The following ATP9A variants were observed in gnomAD, a reference collection of about 807,000 sequenced individuals.
ATP9A encodes the protein probable phospholipid-transporting ATPase IIA.
ATP9A carries 52 observed loss-of-function variants against 144.1 expected under a neutral mutation model. That is an observed-to-expected ratio of 0.36 (90% CI 0.29 to 0.45). The LOEUF is 0.45. ATP9A is among the 20% of genes least tolerant of loss of function. The probability of loss-of-function intolerance (pLI) is 1.00; values close to 1 mark genes in which losing one functional copy is unlikely to be tolerated. For synonymous variants in ATP9A, 582 were observed against 557.4 expected, an observed-to-expected ratio of 1.04 and a Z score of -0.62; for missense variants, 947 against 1,392.7, an observed-to-expected ratio of 0.68 and a Z score of 5.09.
intron 14 of ATP9A, among the ~76,000 whole-genome samples, chr20:51,655,793 G>A (rs964013433): frequency 6.7e-6 from 1 of 149,712 alleles, no homozygotes; most frequent in African/African-American, 2.5e-5. Context: ...ATATACCCAA[G>A]AGAAACAGAA....
In ATP9A at chr20:51,637,722, G is replaced by A; in HGVS notation, c.1668+1621C>T. On this transcript the variant is annotated intron_variant, in intron 15 of 27. Coordinates refer to ENST00000338821, the MANE Select transcript of ATP9A (RefSeq NM_006045.3). Reference sequence around the variant, plus strand: ...CTGTTTTTTTTTTTTTATTTCCAAAGGTTTTTGGGGAACACATGGTGTTTG... The same window carrying A: ...CTGTTTTTTTTTTTTTATTTCCAAAAGTTTTTGGGGAACACATGGTGTTTG... Among the ~76,000 whole-genome samples, 2 of 150,412 alleles carry A rather than the reference G, an allele frequency of 1.3e-5. 1 individual carries two copies. The highest frequency in any genetic ancestry group is 3.0e-5 in the Non-Finnish European group (2 of 67,674).
intron 13 of ATP9A, among the ~76,000 whole-genome samples, chr20:51,668,354 A>T (rs1485222475): frequency 1.3e-5 from 2 of 151,738 alleles, no homozygotes; most frequent in East Asian, 3.9e-4. Context: ...GAAAGTCAGG[A>T]GGGGTCCCAG....
chr20:51,641,340 CAG>C (rs1202845170), intron 14 of ATP9A, among the ~76,000 whole-genome samples: 3 of 151,880 alleles, frequency 2.0e-5, no homozygotes, highest in Non-Finnish European at 1.5e-5. Flanking sequence ...GCCTGGACAA[CAG>C]AGCGAGACTG....
chr20:51,638,121 A>ATCTCTATCTC (rs1173540252), intron 15 of ATP9A, among the ~76,000 whole-genome samples: 1 of 103,002 alleles, frequency 9.7e-6, no homozygotes, highest in African/African-American at 4.1e-5. Flanking sequence ...ATATATATAT[A>ATCTCTATCTC]TATCTCATAG....
At chr20:51,637,356 T>C (rs1159289840) in intron 15 of ATP9A, among the ~76,000 whole-genome samples, 1 of 140,732 alleles carries the variant, frequency 7.1e-6, no homozygotes, top group African/African-American at 2.6e-5. Flanking sequence ...TGTTGAATCC[T>C]GCTCACTTCG....
At chr20:51,627,453 G>A in intron 17 of ATP9A, 147 bp downstream of exon 17, 1 of 724,572 alleles carries the variant, frequency 1.4e-6, no homozygotes, top group Non-Finnish European at 2.4e-6. Context: ...AGACAGAACG[G>A]CAAGTGCAAA....
intron 14 of ATP9A, among the ~76,000 whole-genome samples, chr20:51,650,566 A>C (rs1393659062): frequency 6.6e-6 from 1 of 151,622 alleles, no homozygotes; most frequent in African/African-American, 2.4e-5. Context: ...AAATATATAT[A>C]TATTTTAATG....
Position 51,626,651 on chromosome 20 carries a change from A to G in ATP9A, c.1845+949T>C, listed in dbSNP as rs201200078. Among the ~76,000 whole-genome samples, 48 of 151,622 alleles carry G rather than the reference A, an allele frequency of 3.2e-4. 1 individual carries two copies. The East Asian group carries it at 8.9e-3, about 28-fold the overall frequency. On this transcript the variant is annotated intron_variant, in intron 17 of 27. Transcript: ENST00000338821. Reference sequence around the variant, plus strand: ...ATAGCGAGACCCCGTCTCAGAATAAATGTGCAAAAAAAAAAAGAGAAAAGA... The same window carrying G: ...ATAGCGAGACCCCGTCTCAGAATAAGTGTGCAAAAAAAAAAAGAGAAAAGA...
At chr20:51,744,382 T>C (rs983098329) in intron 1 of ATP9A, among the ~76,000 whole-genome samples, 2 of 152,134 alleles carry the variant, frequency 1.3e-5, no homozygotes, top group African/African-American at 4.8e-5. Flanking sequence ...GCCAGGCTAG[T>C]TTCAAACGCC....
chr20:51,750,323 G>A (rs143685112), intron 1 of ATP9A, among the ~76,000 whole-genome samples: 1 of 152,184 alleles, frequency 6.6e-6, no homozygotes, highest in African/African-American at 2.4e-5. Context: ...ACTAAGCGTG[G>A]GCTGATGACT....
At chr20:51,636,072 G>A (rs568316350) in intron 15 of ATP9A, among the ~76,000 whole-genome samples, 83 of 152,196 alleles carry the variant, frequency 5.5e-4, no homozygotes, top group African/African-American at 1.9e-3. Flanking sequence ...TTATGAATTA[G>A]GCACAGTAAG....
At chr20:51,643,818 C>A (rs2077330480) in intron 14 of ATP9A, among the ~76,000 whole-genome samples, 1 of 152,124 alleles carries the variant, frequency 6.6e-6, no homozygotes, top group Non-Finnish European at 1.5e-5. Context: ...TTAAAATTAA[C>A]AAATCAGTAA....
chr20:51,756,989 G>C (rs946783308), intron 1 of ATP9A, among the ~76,000 whole-genome samples: 2 of 151,928 alleles, frequency 1.3e-5, no homozygotes, highest in African/African-American at 4.8e-5. Context: ...AGCTTCCTTA[G>C]TCCAGTGGCT....
At chr20:51,628,547 G>A (rs889150810) in intron 16 of ATP9A, among the ~76,000 whole-genome samples, 4 of 152,242 alleles carry the variant, frequency 2.6e-5, no homozygotes, top group Non-Finnish European at 5.9e-5. Flanking sequence ...CTAGTTGCCA[G>A]GCTGTGAGTG....
intron 9 of ATP9A, among the ~76,000 whole-genome samples, chr20:51,677,837 T>C (rs965078710): frequency 6.6e-6 from 1 of 152,022 alleles, no homozygotes; most frequent in African/African-American, 2.4e-5. Flanking sequence ...AAATGCTCAA[T>C]CTAGTAAATA....
At chr20:51,738,747 T>C (rs562861096) in intron 1 of ATP9A, among the ~76,000 whole-genome samples, 147 of 151,676 alleles carry the variant, frequency 9.7e-4, no homozygotes, top group African/African-American at 3.5e-3. Flanking sequence ...TGTATGCCTC[T>C]CTCCTTTACA....
chr20:51,598,570 T>C lies in ATP9A; in HGVS notation c.*2641A>G, dbSNP rs939556954. ...GGTTTACAAACTCAGGAGAGTTTCT[T>C]GTATAGTAACTCTAGTTTCTTGTTT... is the stretch of plus-strand genomic sequence containing the variant. On this transcript the variant is annotated 3_prime_UTR_variant, in exon 28 of 28. Transcript: ENST00000338821. 5 of 152,114 alleles carry C rather than the reference T, an allele frequency of 3.3e-5. No homozygotes were observed. The highest frequency in any genetic ancestry group is 2.0e-4 in the Admixed American group (3 of 15,268). The allele number at this position is 152,114 out of a possible 1,614,324, so 9.4% of individuals were successfully genotyped here.
intron 13 of ATP9A, among the ~76,000 whole-genome samples, chr20:51,660,235 T>C (rs1050601895): frequency 6.6e-6 from 1 of 152,188 alleles, no homozygotes; most frequent in East Asian, 1.9e-4. Flanking sequence ...AGTTTCAGTA[T>C]CCACGGATTT....
chr20:51,677,506 ATGGAAGG>A (rs1033907681), intron 9 of ATP9A, among the ~76,000 whole-genome samples: 1 of 152,154 alleles, frequency 6.6e-6, no homozygotes, highest in African/African-American at 2.4e-5. Context: ...GCGGCTTCTA[ATGGAAGG>A]TGACTGGGGA....
Sources: gnomAD v4.1 joint callset for allele counts (sites outside exome capture counted in the v4.1 genomes callset) on GRCh38, gnomAD v4.1.1 for gene constraint, MANE v1.5 for transcripts, NCBI Gene and HGNC (gene_info 2026-07-23, HGNC 2026-07-21) for gene names.